The following PTPRN2 variants were observed in gnomAD, a reference collection of about 807,000 sequenced individuals.
PTPRN2 encodes receptor-type tyrosine-protein phosphatase N2.
PTPRN2 carries 74 observed loss-of-function variants against 118.8 expected under a neutral mutation model. The ratio of observed to expected loss-of-function variants is 0.62; its 90% CI spans 0.52 to 0.76. The LOEUF is 0.76. Among genes scored for constraint, PTPRN2 ranks in the 30% least tolerant of loss-of-function variants. The pLI is 0.00. For missense variants in PTPRN2, 1,481 were observed against 1,394.4 expected, an observed-to-expected ratio of 1.06 and a Z score of -0.99; for synonymous variants, 641 against 608.0, an observed-to-expected ratio of 1.05 and a Z score of -0.80.
intron 11 of PTPRN2, among the ~76,000 whole-genome samples, chr7:157,978,771 A>AT (rs1331665667): frequency 6.6e-6 from 1 of 151,566 alleles, no homozygotes; most frequent in Non-Finnish European, 1.5e-5. Flanking sequence ...TTTTCCCCTG[A>AT]TTTTCTGTCA....
At chr7:158,424,559 G>T (rs1815537750) in intron 2 of PTPRN2, among the ~76,000 whole-genome samples, 1 of 152,204 alleles carries the variant, frequency 6.6e-6, no homozygotes, top group South Asian at 2.1e-4. Flanking sequence ...AATCATATGT[G>T]TGTACGGAAC....
chr7:157,774,178 A>G (rs147172828), intron 12 of PTPRN2, among the ~76,000 whole-genome samples: 35 of 152,356 alleles, frequency 2.3e-4, no homozygotes, highest in African/African-American at 7.2e-4. Context: ...CACAATGTCT[A>G]TATGACAAAA....
At chr7:157,685,166 AG>A (rs905945853) in intron 12 of PTPRN2, among the ~76,000 whole-genome samples, 2 of 151,396 alleles carry the variant, frequency 1.3e-5, no homozygotes, top group African/African-American at 4.9e-5. Context: ...CGACCGGCGG[AG>A]GGGGCGCCCG....
At chr7:157,823,406 A>T (rs1240865853) in intron 12 of PTPRN2, among the ~76,000 whole-genome samples, 1 of 152,266 alleles carries the variant, frequency 6.6e-6, no homozygotes, top group South Asian at 2.1e-4. Context: ...GTACTTGACA[A>T]TGAGCGTCCG....
At chr7:158,275,232 A>G (rs1231483903) in intron 3 of PTPRN2, among the ~76,000 whole-genome samples, 5 of 152,096 alleles carry the variant, frequency 3.3e-5, no homozygotes, top group African/African-American at 1.2e-4. Context: ...GGCCACAGAG[A>G]CGTGCTCCCT....
chr7:157,833,254 T>C (rs1372458348), intron 12 of PTPRN2, among the ~76,000 whole-genome samples: 1 of 145,490 alleles, frequency 6.9e-6, no homozygotes, highest in Non-Finnish European at 1.5e-5. Context: ...CTATCCCATA[T>C]GATTGTAAAC....
chr7:158,478,795 T>G (rs1357454417), intron 2 of PTPRN2, among the ~76,000 whole-genome samples: 1 of 152,158 alleles, frequency 6.6e-6, no homozygotes, highest in Non-Finnish European at 1.5e-5. Flanking sequence ...AATTAGCAAC[T>G]TGTGTGGCAG....
intron 19 of PTPRN2, among the ~76,000 whole-genome samples, chr7:157,571,863 C>G (rs747249020): frequency 6.7e-6 from 1 of 149,020 alleles, no homozygotes; most frequent in Non-Finnish European, 1.5e-5. Flanking sequence ...TGATTCTTCA[C>G]TAAAATTTTT....
chr7:157,790,549 G>A (rs187505460), intron 12 of PTPRN2, among the ~76,000 whole-genome samples: 63 of 152,198 alleles, frequency 4.1e-4, no homozygotes, highest in Admixed American at 7.2e-4. Flanking sequence ...TATGACGAAG[G>A]GGGCATTTCA....
rs936048985 is a variant in PTPRN2 at position 157,620,826 on chromosome 7, G to A, written c.2344+536C>T. ...GCGGGGGGTGCCGGGAAGGAGAAGC[G>A]GAGGGCTTTGCAGACCCTCAGGATG... On this transcript the variant is annotated intron_variant, in intron 15 of 22. Coordinates refer to ENST00000389418, the MANE Select transcript of PTPRN2 (RefSeq NM_002847.5). 3.9e-5 allele frequency among the ~76,000 whole-genome samples: 6 copies of A among 152,162 alleles called. No individual in the cohort carries two copies. In the South Asian group the frequency reaches 8.3e-4, roughly 21 times the overall value.
At chr7:157,553,961 A>G (rs563207565) in intron 21 of PTPRN2, among the ~76,000 whole-genome samples, 425 of 106,534 alleles carry the variant, frequency 4.0e-3, no homozygotes, top group Middle Eastern at 0.028. Flanking sequence ...GAGCATGGGT[A>G]CGGCCAGGCC....
chr7:157,973,434 T>C (rs1211760816), intron 11 of PTPRN2, among the ~76,000 whole-genome samples: 1 of 152,192 alleles, frequency 6.6e-6, no homozygotes, highest in Non-Finnish European at 1.5e-5. Flanking sequence ...TCCACAGACT[T>C]CTTATGTCAT....
intron 11 of PTPRN2, among the ~76,000 whole-genome samples, chr7:158,035,102 G>C (rs1807998418): frequency 6.6e-6 from 1 of 152,206 alleles, no homozygotes; most frequent in South Asian, 2.1e-4. Context: ...AAATTGTACT[G>C]CCCAGAAAAC....
At chr7:158,395,758 G>A (rs1812415614) in intron 2 of PTPRN2, among the ~76,000 whole-genome samples, 1 of 56,026 alleles carries the variant, frequency 1.8e-5, no homozygotes, top group Admixed American at 1.5e-4. Flanking sequence ...GGGGTGAGGC[G>A]CGAGGGGCGA....
intron 2 of PTPRN2, among the ~76,000 whole-genome samples, chr7:158,380,580 G>A (rs1810894224): frequency 6.6e-6 from 1 of 152,206 alleles, no homozygotes; most frequent in African/African-American, 2.4e-5. Flanking sequence ...TGCCTTCACG[G>A]GCTGGCATTG....
At chr7:158,313,782 G>A (rs990126155) in intron 3 of PTPRN2, among the ~76,000 whole-genome samples, 1 of 152,186 alleles carries the variant, frequency 6.6e-6, no homozygotes, top group Non-Finnish European at 1.5e-5. Context: ...TTAGATTATT[G>A]TCATGTAATT....
chr7:158,229,542 A>G (rs1464090722), intron 3 of PTPRN2, among the ~76,000 whole-genome samples: 1 of 151,986 alleles, frequency 6.6e-6, no homozygotes, highest in Non-Finnish European at 1.5e-5. Flanking sequence ...AGATTGAAAC[A>G]ATTTTTAAAA....
chr7:158,274,356 A>AGGGGGAGC (rs1798799497), intron 3 of PTPRN2, among the ~76,000 whole-genome samples: 1 of 58,858 alleles, frequency 1.7e-5, no homozygotes. Context: ...AGCCACAGAC[A>AGGGGGAGC]CAGGGGGAGC....
chr7:158,415,140 T>A (rs1166018378), intron 2 of PTPRN2, among the ~76,000 whole-genome samples: 1 of 151,994 alleles, frequency 6.6e-6, no homozygotes, highest in Non-Finnish European at 1.5e-5. Flanking sequence ...AACAGCTAAT[T>A]TCCTGACCTA....
Sources: allele counts gnomAD v4.1 joint callset (sites outside exome capture counted in the v4.1 genomes callset), GRCh38; gene constraint gnomAD v4.1.1; transcripts MANE v1.5; gene names NCBI Gene and HGNC (gene_info 2026-07-23, HGNC 2026-07-21).